The following PIK3R1 variants were observed in gnomAD, a reference collection of about 807,000 sequenced individuals.
The protein encoded by PIK3R1 is phosphatidylinositol 3-kinase regulatory subunit alpha.
PIK3R1 carries 29 observed loss-of-function variants against 98.0 expected under a neutral mutation model. That is an observed-to-expected ratio of 0.30 (90% CI 0.22 to 0.40). The LOEUF (loss-of-function observed/expected upper bound fraction) is 0.40, where lower values mean the gene tolerates loss of function less well. Among genes scored for constraint, PIK3R1 ranks in the 10% least tolerant of loss-of-function variants. The pLI, the probability that PIK3R1 is intolerant of heterozygous loss-of-function variation, is 1.00. For synonymous variants in PIK3R1, 282 were observed against 311.8 expected (o/e 0.90, Z 1.01); for missense variants, 596 against 872.7 (o/e 0.68, Z 3.99).
chr5:68,257,068 G>A (rs369073584), intron 2 of PIK3R1, among the ~76,000 whole-genome samples: 2 of 152,314 alleles, frequency 1.3e-5, no homozygotes, highest in East Asian at 3.9e-4. Context: ...CCAGTCTGAG[G>A]TGGGAGCACC....
intron 2 of PIK3R1, among the ~76,000 whole-genome samples, chr5:68,258,567 C>T (rs1475210191): frequency 1.3e-5 from 2 of 152,180 alleles, no homozygotes; most frequent in East Asian, 3.8e-4. Flanking sequence ...AGATGTGAAC[C>T]TAAGCAGGCC....
intron 2 of PIK3R1, among the ~76,000 whole-genome samples, chr5:68,238,291 A>G (rs1744740526): frequency 6.6e-6 from 1 of 152,262 alleles, no homozygotes; most frequent in Admixed American, 6.5e-5. Flanking sequence ...GTCACCAGGC[A>G]TGGGTAGGTC....
chr5:68,217,629 G>GGGTGTGT (rs1554044205), intron 1 of PIK3R1: 3 of 145,722 alleles, frequency 2.1e-5, no homozygotes, highest in Admixed American at 6.8e-5. Context: ...AATGTGTGGG[G>GGGTGTGT]GTGTGTGTGT....
intron 2 of PIK3R1, among the ~76,000 whole-genome samples, chr5:68,241,557 C>G (rs907220992): frequency 2.0e-5 from 3 of 152,194 alleles, no homozygotes; most frequent in Admixed American, 2.0e-4. Flanking sequence ...TGAACATTTG[C>G]TTTGTTCCAG....
chr5:68,301,581 G>A lies in PIK3R1; in HGVS notation c.*3980G>A, dbSNP rs1748108327. 6.3e-6 allele frequency: 1 copy of A among 157,996 alleles called. No homozygotes were observed. The highest frequency in any genetic ancestry group is 6.8e-5 in the Admixed American group (1 of 14,744). 9.8% of individuals were successfully genotyped at this position (157,996 alleles called of 1,614,324 possible). A position where few individuals can be genotyped will look rare whatever the true frequency, so the allele number is the denominator to read the frequency against. On this transcript the variant is annotated 3_prime_UTR_variant, in exon 16 of 16. Transcript: ENST00000521381. Reference sequence around the variant, plus strand: ...TTTTTAAAGCTACAATCTGTTCAATGTTTTTAAAAATCTGTTTATATGACA... The same window carrying A: ...TTTTTAAAGCTACAATCTGTTCAATATTTTTAAAAATCTGTTTATATGACA...
intron 7 of PIK3R1, among the ~76,000 whole-genome samples, chr5:68,283,005 G>A (rs766567642): frequency 3.3e-5 from 5 of 152,184 alleles, no homozygotes; most frequent in East Asian, 1.9e-4. Flanking sequence ...GAACATCTTC[G>A]TATTCAGGAA....
chr5:68,270,538 TA>T (rs1270873639), intron 2 of PIK3R1, among the ~76,000 whole-genome samples: 6 of 152,230 alleles, frequency 3.9e-5, no homozygotes, highest in African/African-American at 1.4e-4. Flanking sequence ...TTTTTTTAAT[TA>T]AAAAAATGCC....
At chr5:68,257,219 G>T (rs567456055) in intron 2 of PIK3R1, among the ~76,000 whole-genome samples, 15 of 152,210 alleles carry the variant, frequency 9.9e-5, no homozygotes, top group African/African-American at 3.6e-4. Context: ...GCTGATAGCT[G>T]CTCCATCCAG....
chr5:68,254,596 G>C (rs1027907174), intron 2 of PIK3R1, among the ~76,000 whole-genome samples: 4 of 152,214 alleles, frequency 2.6e-5, no homozygotes, highest in Non-Finnish European at 5.9e-5. Context: ...TCTAAAGAGA[G>C]GGTTATGGAA....
chr5:68,244,500 T>A (rs1188692269), intron 2 of PIK3R1, among the ~76,000 whole-genome samples: 2 of 128,902 alleles, frequency 1.6e-5, no homozygotes, highest in African/African-American at 6.3e-5. Context: ...TAGGGCCGCC[T>A]ATTTCTCTAG....
At chr5:68,294,450 TA>T (rs1241222822) in intron 11 of PIK3R1, 85 bp from the exon 12 acceptor site, 6 of 966,524 alleles carry the variant, frequency 6.2e-6, no homozygotes, top group African/African-American at 1.7e-5. Context: ...CTGCTAATAA[TA>T]CAGATCAAAT....
intron 2 of PIK3R1, among the ~76,000 whole-genome samples, chr5:68,263,791 T>C (rs1746005676): frequency 6.6e-6 from 1 of 152,204 alleles, no homozygotes; most frequent in Non-Finnish European, 1.5e-5. Flanking sequence ...TTCTGTACAA[T>C]GTTTTCAGGC....
chr5:68,243,270 A>G (rs1413731408), intron 2 of PIK3R1, among the ~76,000 whole-genome samples: 1 of 152,218 alleles, frequency 6.6e-6, no homozygotes, highest in Non-Finnish European at 1.5e-5. Context: ...AGGGTCTCTG[A>G]CTGTTAAAGT....
At chr5:68,226,173 G>A (rs978070983) in intron 1 of PIK3R1, 117 bp from the exon 2 acceptor site, 6 of 350,602 alleles carry the variant, frequency 1.7e-5, no homozygotes, top group Non-Finnish European at 2.6e-5. Flanking sequence ...ATAGCACACT[G>A]GCCTGTGTCT....
chr5:68,222,565 A>T (rs899410950), intron 1 of PIK3R1, among the ~76,000 whole-genome samples: 1 of 152,138 alleles, frequency 6.6e-6, no homozygotes, highest in Admixed American at 6.6e-5. Flanking sequence ...TCACTAGTTT[A>T]TGGACTTCTT....
At chr5:68,230,855 C>T (rs1744437106) in intron 2 of PIK3R1, among the ~76,000 whole-genome samples, 1 of 152,154 alleles carries the variant, frequency 6.6e-6, no homozygotes, top group Admixed American at 6.5e-5. Flanking sequence ...ATGTTATGTT[C>T]TTCGGAGAGA....
intron 2 of PIK3R1, among the ~76,000 whole-genome samples, chr5:68,251,579 G>T (rs1745309240): frequency 6.6e-6 from 1 of 151,920 alleles, no homozygotes; most frequent in Non-Finnish European, 1.5e-5. Flanking sequence ...AGGTGGTGGG[G>T]GCGGGGTGGA....
At chr5:68,264,600 T>A (rs1350636008) in intron 2 of PIK3R1, among the ~76,000 whole-genome samples, 9 of 152,226 alleles carry the variant, frequency 5.9e-5, no homozygotes, top group Non-Finnish European at 2.9e-5. Flanking sequence ...GTTCACTACA[T>A]GGGAATTAAT....
chr5:68,230,195 C>T (rs151094788), intron 2 of PIK3R1, among the ~76,000 whole-genome samples: 2,217 of 152,316 alleles, frequency 0.015, 31 homozygotes, highest in Middle Eastern at 0.02. Flanking sequence ...GCTCTACTCA[C>T]GCTATTCTAT....
Sources: allele counts gnomAD v4.1 joint callset (sites outside exome capture counted in the v4.1 genomes callset), GRCh38; gene constraint gnomAD v4.1.1; transcripts MANE v1.5; gene names NCBI Gene and HGNC (gene_info 2026-07-23, HGNC 2026-07-21).